Variants in HVCN1 observed in about 807,000 individuals in gnomAD.
HVCN1 encodes the protein voltage-gated hydrogen channel 1.
Under a neutral mutation model 29.2 loss-of-function variants are expected in HVCN1, and 14 were observed. The ratio of observed to expected loss-of-function variants is 0.48; its 90% CI spans 0.32 to 0.75. The LOEUF is 0.75. Ranked by LOEUF, HVCN1 falls within the 30% of genes least tolerant of loss-of-function variation. The probability of loss-of-function intolerance (pLI) is 0.04; values close to 1 mark genes in which losing one functional copy is unlikely to be tolerated. For synonymous variants in HVCN1, 131 were observed against 133.2 expected (o/e 0.98, Z 0.11); for missense variants, 263 against 341.8 (o/e 0.77, Z 1.82).
At chr12:110,659,674 T>G (rs1465077525) in intron 4 of HVCN1, among the ~76,000 whole-genome samples, 1 of 152,196 alleles carries the variant, frequency 6.6e-6, no homozygotes, top group African/African-American at 2.4e-5. Context: ...ATCACAGCAC[T>G]TTGGGAGGCC....
intron 3 of HVCN1, among the ~76,000 whole-genome samples, chr12:110,671,500 T>C (rs1249790228): frequency 6.6e-6 from 1 of 152,098 alleles, no homozygotes; most frequent in African/African-American, 2.4e-5. Flanking sequence ...AACACCTTGA[T>C]TTTGGGCTTC....
intron 2 of HVCN1, among the ~76,000 whole-genome samples, chr12:110,701,638 C>T (rs996199254): frequency 4.6e-5 from 7 of 152,162 alleles, no homozygotes; most frequent in African/African-American, 1.2e-4. Context: ...AGGCAGATCA[C>T]TTGGGGTCAG....
At chr12:110,687,208 T>C (rs1191125250) in intron 2 of HVCN1, among the ~76,000 whole-genome samples, 1 of 151,006 alleles carries the variant, frequency 6.6e-6, no homozygotes, top group Non-Finnish European at 1.5e-5. Flanking sequence ...ACTGACATGT[T>C]ACCTGGGGAG....
Position 110,649,128 on chromosome 12 carries a change from C to G in HVCN1, c.*282G>C. ...GAGATTAAATTTTATATACAACTAGCAATTGTCCAGCTTTGTTGCTCATTT... is the reference window on the plus strand; with the variant it reads ...GAGATTAAATTTTATATACAACTAGGAATTGTCCAGCTTTGTTGCTCATTT... On this transcript the variant is annotated 3_prime_UTR_variant, in exon 8 of 8. Transcript: ENST00000242607. 1.5e-6 allele frequency: 1 copy of G among 666,630 alleles called. No homozygotes were observed. The allele number at this position is 666,630 out of a possible 1,614,324, so 41.3% of individuals were successfully genotyped here.
At chr12:110,673,499 C>T (rs927380111) in intron 3 of HVCN1, among the ~76,000 whole-genome samples, 1 of 152,158 alleles carries the variant, frequency 6.6e-6, no homozygotes, top group Admixed American at 6.6e-5. Flanking sequence ...CCATAAATAG[C>T]AAGGAGCCTA....
intron 7 of HVCN1, among the ~76,000 whole-genome samples, chr12:110,649,699 G>A (rs1170379037): frequency 2.0e-5 from 3 of 152,214 alleles, no homozygotes; most frequent in Non-Finnish European, 2.9e-5. Context: ...AGAGCCCTGG[G>A]ATGTGGGGGT....
At position 110,676,357 on chromosome 12, in the gene HVCN1, G is replaced by GAA. The variant is rs996179132; in HGVS notation, c.21+6866_21+6867dup. On this transcript the variant is annotated intron_variant, in intron 3 of 7. Transcript: ENST00000242607. The surrounding 1 kb of genome is among the most constrained non-coding windows in gnomAD (Gnocchi z 4.1). ...GCATGACTACATCACTCCCTGTGCA[G>GAA]AAAAGGGCCAGCCCAGCGGTCCCGA... 2.0e-5 allele frequency among the ~76,000 whole-genome samples: 3 copies of GAA among 152,214 alleles called. No homozygotes were observed. The highest frequency in any genetic ancestry group is 2.0e-4 in the Admixed American group (3 of 15,290).
In HVCN1 at chr12:110,661,325, C is replaced by T; in HGVS notation, c.145G>A (p.Glu49Lys). 1.9e-6 allele frequency: 3 copies of T among 1,614,218 alleles called. No homozygotes were observed. The highest frequency in any genetic ancestry group is 2.5e-6 in the Non-Finnish European group (3 of 1,180,038). Residue 49 changes from glutamate (E) to lysine (K), a missense_variant, in exon 4 of 8, where the codon GAG becomes AAG. Coordinates refer to ENST00000242607, the MANE Select transcript of HVCN1 (RefSeq NM_032369.4). The surrounding 1 kb of genome is among the most constrained non-coding windows in gnomAD (Gnocchi z 6.2). Reference sequence around the variant, plus strand: ...GGCTGCTCCTCCTCCTCCTCCTCCTCTTCATTCTCCCATTTCTTGTAGTTG... The same window carrying T: ...GGCTGCTCCTCCTCCTCCTCCTCCTTTTCATTCTCCCATTTCTTGTAGTTG... ...NINYKKWENE[E>K]EEEEEEQPPP...
At chr12:110,700,948 T>C (rs750898130) in intron 2 of HVCN1, among the ~76,000 whole-genome samples, 1 of 152,176 alleles carries the variant, frequency 6.6e-6, no homozygotes, top group Admixed American at 6.5e-5. Flanking sequence ...CTGGAACTCT[T>C]AGTGGAGAAG....
Position 110,651,240 on chromosome 12 carries a change from C to A in HVCN1, c.620G>T (p.Trp207Leu), listed in dbSNP as rs1464333610. 2 of 1,613,870 alleles carry A rather than the reference C, an allele frequency of 1.2e-6. No homozygotes were observed. The change falls in exon 6 of 8, where the codon TGG (tryptophan) becomes TTG (leucine). Residue 207 changes from tryptophan to leucine, a missense_variant. Transcript: ENST00000242607. Reference sequence around the variant, plus strand: ...ACCATTGATGATCCGGGCCACCCGCCACAGCCGGAGCAGAATCAGCAGGCC... The same window carrying A: ...ACCATTGATGATCCGGGCCACCCGCAACAGCCGGAGCAGAATCAGCAGGCC... ...ALGLLILLRL[W>L]RVARIINGII... is the part of the protein sequence containing the mutation.
rs373430217 is a variant in HVCN1, at chr12:110,687,187, G to C, written c.-20+1438C>G. On this transcript the variant is annotated intron_variant, in intron 2 of 7. Coordinates refer to ENST00000242607, the MANE Select transcript of HVCN1 (RefSeq NM_032369.4). ...GGTGAAGAGGAAAGGGCAAGATCAC[G>C]ATCCTGGTAGACTGACATGTTACCT... Among the ~76,000 whole-genome samples the C allele has an allele frequency of 4.0e-5, 6 of 151,632 alleles. No homozygotes were observed. In the South Asian group the frequency reaches 8.3e-4, roughly 21 times the overall value.
chr12:110,658,198 G>T lies in HVCN1; in HGVS notation c.307-2860C>A, dbSNP rs1264860724. Among the ~76,000 whole-genome samples the T allele has an allele frequency of 6.6e-6, 1 of 152,108 alleles. No individual in the cohort carries two copies. The highest frequency in any genetic ancestry group is 6.5e-5 in the Admixed American group (1 of 15,274). The stretch of plus-strand genomic sequence containing the variant: ...CTCTCCCTTGGTTGTGCCATCCCAT[G>T]TAAGAAGGGACCTCAATTAACTATT... On this transcript the variant is annotated intron_variant, in intron 4 of 7. Transcript: ENST00000242607. This position sits in a 1 kb window ranked among gnomAD's most constrained non-coding sequence, Gnocchi z 5.0.
At position 110,697,476 on chromosome 12, in the gene HVCN1, G is replaced by A. The variant is rs561402765; in HGVS notation, c.-104+4833C>T. ...GATGGAAACTGATAGGGTGAACAGC[G>A]CAGAGAGGGAGAGAGTGGAAAGGAG... On this transcript the variant is annotated intron_variant, in intron 2 of 4. Coordinates refer to the HVCN1 transcript ENST00000546713. 5.9e-5 allele frequency among the ~76,000 whole-genome samples: 9 copies of A among 152,178 alleles called. No homozygotes were observed. The South Asian group carries it at 1.2e-3, about 21-fold the overall frequency.
upstream of HVCN1, chr12:110,689,170 C>CCCGCCCCCGCCCGGG (rs997655999): frequency 1.3e-5 from 2 of 150,468 alleles, no homozygotes; most frequent in South Asian, 2.1e-4. The surrounding 1 kb of genome is among the most constrained non-coding windows in gnomAD (Gnocchi z 5.7). Flanking sequence ...CGTACCAGGC[C>CCCGCCCCCGCCCGGG]CCGCCCCCGC....
At chr12:110,670,766 C>T (rs2068549054) in intron 3 of HVCN1, among the ~76,000 whole-genome samples, 1 of 152,146 alleles carries the variant, frequency 6.6e-6, no homozygotes, top group Non-Finnish European at 1.5e-5. Context: ...CCTAACAATT[C>T]CTGTCCCCCT....
chr12:110,666,498 C>T (rs1296435864), intron 3 of HVCN1, among the ~76,000 whole-genome samples: 1 of 152,022 alleles, frequency 6.6e-6, no homozygotes, highest in East Asian at 1.9e-4. Context: ...CAACTGGAAA[C>T]ACAGGGAGAA....
intron 2 of HVCN1, among the ~76,000 whole-genome samples, chr12:110,697,343 G>A (rs1275322770): frequency 6.6e-6 from 1 of 152,054 alleles, no homozygotes; most frequent in African/African-American, 2.4e-5. Context: ...AGGCTGCAAA[G>A]GAGACAGAAA....
intron 3 of HVCN1, among the ~76,000 whole-genome samples, chr12:110,669,155 C>T (rs112717983): frequency 9.9e-4 from 150 of 152,264 alleles, no homozygotes; most frequent in African/African-American, 3.4e-3. Flanking sequence ...CTCCTCCTTC[C>T]ACATCCCCTA....
chr12:110,677,367 CT>C (rs2068783369), intron 3 of HVCN1, among the ~76,000 whole-genome samples: 1 of 152,166 alleles, frequency 6.6e-6, no homozygotes, highest in African/African-American at 2.4e-5. Context: ...ACCACAGGAC[CT>C]TTGCACACGT....
Sources: gnomAD v4.1 joint callset for allele counts (sites outside exome capture counted in the v4.1 genomes callset) on GRCh38, gnomAD v4.1.1 for gene constraint, Gnocchi (gnomAD v3.1) non-coding constraint, MANE v1.5 for transcripts, NCBI Gene and HGNC (gene_info 2026-07-23, HGNC 2026-07-21) for gene names.